Variants in UNKL observed in about 807,000 individuals in gnomAD.
UNKL encodes the protein putative E3 ubiquitin-protein ligase UNKL.
A neutral mutation model predicts 78.0 loss-of-function variants in UNKL; 60 were observed. That is an observed-to-expected ratio of 0.77 (90% CI 0.63 to 0.95). UNKL has a LOEUF of 0.95. Among genes scored for constraint, UNKL ranks in the 40% least tolerant of loss-of-function variants. UNKL has a pLI of 0.00. For synonymous variants in UNKL, 608 were observed against 474.8 expected, an observed-to-expected ratio of 1.28 and a Z score of -3.65; for missense variants, 1,159 against 1,045.7, an observed-to-expected ratio of 1.11 and a Z score of -1.49.
chr16:1,389,781 C>G (rs1249102402), intron 9 of UNKL, among the ~76,000 whole-genome samples: 1 of 152,178 alleles, frequency 6.6e-6, no homozygotes, highest in Non-Finnish European at 1.5e-5. Context: ...ACTCAGCCCC[C>G]AGAACTGAGA....
At chr16:1,407,693 CAAAA>C (rs796468528) in intron 2 of UNKL, among the ~76,000 whole-genome samples, 5 of 80,532 alleles carry the variant, frequency 6.2e-5, no homozygotes, top group Admixed American at 2.7e-4. Flanking sequence ...GAGGCCCTGT[CAAAA>C]AAAAAAAAAA....
At position 1,372,089 on chromosome 16, in the gene UNKL, A is replaced by T. The variant is rs527779196; in HGVS notation, c.1265-478T>A. ...GGCTAACACGGTGAAACCCCGTCTC[A>T]ACCAAAAAAAAAAAAATACAAAAAA... On this transcript the variant is annotated intron_variant, in intron 10 of 14. Transcript: ENST00000389221. Among the ~76,000 whole-genome samples the T allele has an allele frequency of 2.7e-3, 63 of 23,556 alleles. 1 individual carries two copies. The Middle Eastern group carries it at 0.068, about 25-fold the overall frequency. 15.5% of individuals were successfully genotyped at this position (23,556 alleles called of 152,430 possible).
intron 2 of UNKL, among the ~76,000 whole-genome samples, chr16:1,405,366 C>T (rs186186663): frequency 5.9e-5 from 9 of 151,966 alleles, no homozygotes; most frequent in Non-Finnish European, 7.4e-5. Flanking sequence ...AAGGCCAAGG[C>T]GGGTGGATCA....
At chr16:1,383,571 A>G in intron 10 of UNKL, 1 of 354,140 alleles carries the variant, frequency 2.8e-6, no homozygotes, top group South Asian at 2.0e-5. Context: ...TCTGTGGCCT[A>G]AGTGGCCGCT....
At chr16:1,391,980 G>A (rs570164892) in intron 8 of UNKL, among the ~76,000 whole-genome samples, 20 of 152,152 alleles carry the variant, frequency 1.3e-4, no homozygotes, top group African/African-American at 3.9e-4. Context: ...GAGCCACCGC[G>A]CCCGGCCCTG....
intron 9 of UNKL, 120 bp downstream of exon 9, chr16:1,390,512 C>T (rs536446647): frequency 9.4e-6 from 10 of 1,063,336 alleles, no homozygotes; most frequent in South Asian, 3.2e-5. Flanking sequence ...CGAGAGTGGG[C>T]GGGACCAAGG....
At chr16:1,390,546 G>A (rs2037004582) in intron 9 of UNKL, 86 bp downstream of exon 9, 22 of 1,431,076 alleles carry the variant, frequency 1.5e-5, no homozygotes, top group South Asian at 7.5e-5. Flanking sequence ...GCCCTAACGC[G>A]ATGCCACGGG....
chr16:1,366,429 C>T (rs1361983120), intron 14 of UNKL, 34 bp from the exon 15 acceptor site: 2 of 1,538,962 alleles, frequency 1.3e-6, no homozygotes. Flanking sequence ...GCTCAGGAGG[C>T]CCCTGCCCAG....
chr16:1,375,552 G>A (rs1033305689), intron 10 of UNKL, among the ~76,000 whole-genome samples: 3 of 152,128 alleles, frequency 2.0e-5, no homozygotes, highest in Admixed American at 6.5e-5. Flanking sequence ...TGGGGCGTCC[G>A]GGACGGCACA....
At chr16:1,379,701 C>A in intron 10 of UNKL, 1 of 984,060 alleles carries the variant, frequency 1.0e-6, no homozygotes, top group South Asian at 4.6e-5. Context: ...CGCGCCCCGC[C>A]CCCTCCGCGC....
intron 10 of UNKL, among the ~76,000 whole-genome samples, chr16:1,380,038 G>T (rs1475204793): frequency 6.6e-6 from 1 of 152,246 alleles, no homozygotes; most frequent in Non-Finnish European, 1.5e-5. Context: ...CTGCCCTGCA[G>T]GACCCTCCTC....
rs1022082153 is a variant in UNKL, at chr16:1,399,297, G to C, written c.734+77C>G. On this transcript the variant is annotated intron_variant, in intron 5 of 14. Coordinates refer to ENST00000389221, the MANE Select transcript of UNKL (RefSeq NM_001372107.1). The surrounding 1 kb of genome is among the most constrained non-coding windows in gnomAD (Gnocchi z 5.8). ...GGGCAGCCCTCCCATTAGAACCCCG[G>C]GGTGGGCAACGCGAGCCACGGGCCG... is the stretch of plus-strand genomic sequence containing the variant. 1 of 1,450,256 alleles carries C rather than the reference G, an allele frequency of 6.9e-7. No individual in the cohort carries two copies. The highest frequency in any genetic ancestry group is 9.1e-7 in the Non-Finnish European group (1 of 1,103,188). 89.8% of individuals were successfully genotyped at this position (1,450,256 alleles called of 1,614,324 possible).
chr16:1,386,206 C>T (rs1242266843), intron 9 of UNKL, among the ~76,000 whole-genome samples: 1 of 152,058 alleles, frequency 6.6e-6, no homozygotes, highest in South Asian at 2.1e-4. Context: ...GTCAGGAGTT[C>T]GAGACCAGCC....
intron 10 of UNKL, among the ~76,000 whole-genome samples, chr16:1,381,414 G>C (rs2142069500): frequency 6.6e-6 from 1 of 152,342 alleles, no homozygotes; most frequent in Non-Finnish European, 1.5e-5. Flanking sequence ...GAGGTCAGGA[G>C]TTTGAGACCA....
Position 1,367,653 on chromosome 16 carries a change from C to A in UNKL, c.1788+3G>T, listed in dbSNP as rs1213968109. 2 of 1,559,536 alleles carry A rather than the reference C, an allele frequency of 1.3e-6. No individual in the cohort carries two copies. Among genetic ancestry groups the A allele is most frequent in the Non-Finnish European group, 1.7e-6 (2 of 1,152,748 alleles). ...CACCTGTCTGGCCCCCCCACACACT[C>A]ACCTGCTTCACCTGCTGCCAGGACT... On this transcript the variant is annotated splice_donor_region_variant and intron_variant, in intron 13 of 14. Transcript: ENST00000389221.
chr16:1,390,549 G>A, intron 9 of UNKL, 83 bp downstream of exon 9: 1 of 1,451,134 alleles, frequency 6.9e-7, no homozygotes, highest in African/African-American at 1.4e-5. Context: ...CTAACGCGAT[G>A]CCACGGGTCA....
intron 2 of UNKL, among the ~76,000 whole-genome samples, chr16:1,404,231 T>C (rs984192303): frequency 3.3e-5 from 5 of 152,164 alleles, no homozygotes; most frequent in African/African-American, 1.2e-4. Context: ...ACATGGGCCG[T>C]CACTGCAGGC....
At chr16:1,402,225 G>C (rs941862759) in intron 3 of UNKL, among the ~76,000 whole-genome samples, 5 of 148,284 alleles carry the variant, frequency 3.4e-5, no homozygotes, top group African/African-American at 1.3e-4. Context: ...GAGAAGAGCT[G>C]AAGGACTGTC....
Position 1,367,696 on chromosome 16 carries a change from T to G in UNKL, c.1748A>C (p.Lys583Thr). 1 of 1,581,796 alleles carries G rather than the reference T, an allele frequency of 6.3e-7. No homozygotes were observed. The highest frequency in any genetic ancestry group is 1.2e-5 in the South Asian group (1 of 85,970). Residue 583 changes from lysine to threonine, a missense_variant, in exon 13 of 15, where the codon AAG (lysine) becomes ACG (threonine). Coordinates refer to ENST00000389221, the MANE Select transcript of UNKL (RefSeq NM_001372107.1). ...CCAGGACTCCTCCCACTGCCGGATC[T>G]TCCTCTTGGCCTCGTCCAGCTGCCG... ...VRRQLDEAKRKIRQWEESWQQ... is the reference protein window; with the variant it reads ...VRRQLDEAKRTIRQWEESWQQ...
Sources: gnomAD v4.1 joint callset for allele counts (sites outside exome capture counted in the v4.1 genomes callset) on GRCh38, gnomAD v4.1.1 for gene constraint, Gnocchi (gnomAD v3.1) non-coding constraint, MANE v1.5 for transcripts, NCBI Gene and HGNC (gene_info 2026-07-23, HGNC 2026-07-21) for gene names.